Variants in RBM26 observed in about 807,000 individuals in gnomAD.
RBM26 encodes the protein RNA binding motif protein 26.
RBM26 carries 30 observed loss-of-function variants against 123.6 expected under a neutral mutation model. That is an observed-to-expected ratio of 0.24 (90% CI 0.18 to 0.33). The LOEUF is 0.33. Among genes scored for constraint, RBM26 ranks in the 10% least tolerant of loss-of-function variants. The pLI, the probability that RBM26 is intolerant of heterozygous loss-of-function variation, is 1.00. For synonymous variants in RBM26, 400 were observed against 404.4 expected, an observed-to-expected ratio of 0.99 and a Z score of 0.13; for missense variants, 947 against 1,203.6, an observed-to-expected ratio of 0.79 and a Z score of 3.15.
At chr13:79,330,014 G>A (rs182427267) in intron 20 of RBM26, among the ~76,000 whole-genome samples, 262 of 152,258 alleles carry the variant, frequency 1.7e-3, no homozygotes, top group Admixed American at 4.4e-3. Flanking sequence ...CCAAAATAAG[G>A]AGTGGGCAAG....
chr13:79,365,407 C>T (rs776109662), intron 9 of RBM26, among the ~76,000 whole-genome samples, 171 bp downstream of exon 9: 1 of 152,166 alleles, frequency 6.6e-6, no homozygotes, highest in Non-Finnish European at 1.5e-5. Flanking sequence ...CACGCTACTG[C>T]ACTCCAGCCT....
At chr13:79,367,432 A>AAAAAAAAAAAAAAAAAAAAAAAT (rs1566476253) in intron 6 of RBM26, among the ~76,000 whole-genome samples, 1 of 42,730 alleles carries the variant, frequency 2.3e-5, no homozygotes, top group Non-Finnish European at 5.3e-5. Context: ...AAAAAAAAAA[A>AAAAAAAAAAAAAAAAAAAAAAAT]GAAGAAGAAG....
intron 14 of RBM26, among the ~76,000 whole-genome samples, chr13:79,346,051 T>C (rs1368354237): frequency 6.6e-6 from 1 of 152,146 alleles, no homozygotes; most frequent in Non-Finnish European, 1.5e-5. Flanking sequence ...TCTCAAGTCA[T>C]TGTTTCTAAA....
At chr13:79,360,998 T>TA (rs1479665520) in intron 9 of RBM26, among the ~76,000 whole-genome samples, 3 of 152,116 alleles carry the variant, frequency 2.0e-5, no homozygotes, top group African/African-American at 7.2e-5. Flanking sequence ...TTCAGCACAA[T>TA]ATCTCTCATG....
chr13:79,368,031 T>TTC (rs1408228664), intron 6 of RBM26, among the ~76,000 whole-genome samples: 1 of 89,252 alleles, frequency 1.1e-5, no homozygotes, highest in Non-Finnish European at 2.4e-5. Flanking sequence ...ATTTTTTTAT[T>TTC]TTTATTTTTT....
In RBM26 at chr13:79,359,747, T is replaced by C. The variant is rs144155574; in HGVS notation, c.1418-61A>G. The C allele has an allele frequency of 6.4e-4, 492 of 763,150 alleles. 5 individuals carry two copies. The African/African-American group carries it at 6.9e-3, about 11-fold the overall frequency. 47.3% of individuals were successfully genotyped at this position (763,150 alleles called of 1,614,324 possible). Reference sequence around the variant, plus strand: ...ATAGGTTAATATTTTCTATTTATCATAGATACCTTCCTCATACAGGAAAAT... The same window carrying C: ...ATAGGTTAATATTTTCTATTTATCACAGATACCTTCCTCATACAGGAAAAT... On this transcript the variant is annotated intron_variant, in intron 9 of 21. Transcript: ENST00000438737.
chr13:79,336,892 C>CTAAG (rs1186925730), intron 19 of RBM26, among the ~76,000 whole-genome samples: 1 of 152,160 alleles, frequency 6.6e-6, no homozygotes, highest in Non-Finnish European at 1.5e-5. Flanking sequence ...TCATGGCCTA[C>CTAAG]TAAGTGTAAG....
At chr13:79,371,640 T>C (rs2075891255) in intron 4 of RBM26, among the ~76,000 whole-genome samples, 1 of 151,956 alleles carries the variant, frequency 6.6e-6, no homozygotes, top group Admixed American at 6.6e-5. Flanking sequence ...CTAATATATG[T>C]CAAGCACTGT....
rs1467019389 is a variant in RBM26 at position 79,357,225 on chromosome 13, T to C, written c.1689+1049A>G. Among the ~76,000 whole-genome samples the C allele has an allele frequency of 2.0e-5, 3 of 152,264 alleles. No individual in the cohort carries two copies. In the South Asian group the frequency reaches 6.2e-4, roughly 32 times the overall value. ...TCTGTTGCCCTACCTGAATCAAACA[T>C]GAATCTTTTTCCCGCTCTATTACTT... is the stretch of plus-strand genomic sequence containing the variant. On this transcript the variant is annotated intron_variant, in intron 11 of 21. Transcript: ENST00000438737.
At chr13:79,334,964 A>G (rs938902797) in intron 19 of RBM26, among the ~76,000 whole-genome samples, 1 of 151,988 alleles carries the variant, frequency 6.6e-6, no homozygotes, top group African/African-American at 2.4e-5. Context: ...CTTACTACAC[A>G]CTCTACTGTA....
chr13:79,400,054 G>C (rs748687650), intron 1 of RBM26, among the ~76,000 whole-genome samples: 3 of 152,152 alleles, frequency 2.0e-5, no homozygotes, highest in Non-Finnish European at 4.4e-5. Flanking sequence ...AACAAGCTCA[G>C]AGTGAAAAGC....
Position 79,344,802 on chromosome 13 carries a change from T to C in RBM26, c.2059-8A>G. ...AGTAGATGTAGACAACACCTACCAA[T>C]ACAAATTCAACTTTTAAAAATATAT... is the stretch of plus-strand genomic sequence containing the variant. On this transcript the variant is annotated splice_region_variant and splice_polypyrimidine_tract_variant and intron_variant, in intron 14 of 21. Coordinates refer to ENST00000438737, the MANE Select transcript of RBM26 (RefSeq NM_001366735.2). 6.2e-7 allele frequency: 1 copy of C among 1,607,148 alleles called. No homozygotes were observed. Among genetic ancestry groups the C allele is most frequent in the South Asian group, 1.1e-5 (1 of 88,954 alleles).
chr13:79,397,433 T>C (rs905064731), intron 1 of RBM26, among the ~76,000 whole-genome samples: 3 of 151,554 alleles, frequency 2.0e-5, no homozygotes, highest in Non-Finnish European at 4.4e-5. Flanking sequence ...GAAGGTATAT[T>C]GGGAGGTTGA....
intron 8 of RBM26, 143 bp downstream of exon 8, chr13:79,365,912 G>A (rs1203928873): frequency 1.5e-5 from 14 of 953,620 alleles, no homozygotes; most frequent in Non-Finnish European, 1.9e-5. Flanking sequence ...TCAAAACTGA[G>A]GGCTTATTTA....
At chr13:79,393,336 C>G (rs2078265191) in intron 1 of RBM26, among the ~76,000 whole-genome samples, 1 of 152,210 alleles carries the variant, frequency 6.6e-6, no homozygotes, top group African/African-American at 2.4e-5. Context: ...TCTCAAGCTG[C>G]CCACTTGGCC....
At position 79,405,829 on chromosome 13, in the gene RBM26, T is replaced by C. The variant is rs942499052; in HGVS notation, c.-55A>G. On this transcript the variant is annotated 5_prime_UTR_variant, in exon 1 of 22. Coordinates refer to ENST00000438737, the MANE Select transcript of RBM26 (RefSeq NM_001366735.2). ...CTCCGCCCGCCCAGGTCGCGGCCGC[T>C]ACAGCCGCCGCTGCCCCCGCCCCCT... 12 of 1,166,290 alleles carry C rather than the reference T, an allele frequency of 1.0e-5. No individual in the cohort carries two copies. The highest frequency in any genetic ancestry group is 1.4e-5 in the Non-Finnish European group (12 of 848,152). The allele number at this position is 1,166,290 out of a possible 1,614,324, so 72.2% of individuals were successfully genotyped here. A position where few individuals can be genotyped will look rare whatever the true frequency, so the allele number is the denominator to read the frequency against.
At chr13:79,375,848 A>T (rs1405560844) in intron 3 of RBM26, among the ~76,000 whole-genome samples, 2 of 151,944 alleles carry the variant, frequency 1.3e-5, no homozygotes, top group Non-Finnish European at 2.9e-5. Context: ...GAAAAAGCAT[A>T]AAAGGAGAAA....
intron 11 of RBM26, 72 bp from the exon 12 acceptor site, chr13:79,355,456 T>C: frequency 1.7e-6 from 2 of 1,167,844 alleles, no homozygotes; most frequent in Non-Finnish European, 2.5e-6. Context: ...AATTCCCCAG[T>C]AAGTGAAATA....
chr13:79,358,248 T>C (rs771113990), intron 11 of RBM26, 26 bp downstream of exon 11: 7 of 1,553,462 alleles, frequency 4.5e-6, no homozygotes, highest in Non-Finnish European at 8.7e-7. Flanking sequence ...AAAGAAGAGA[T>C]AACAAAACCA....
Sources: allele counts gnomAD v4.1 joint callset (sites outside exome capture counted in the v4.1 genomes callset), GRCh38; gene constraint gnomAD v4.1.1; transcripts MANE v1.5; gene names NCBI Gene and HGNC (gene_info 2026-07-23, HGNC 2026-07-21).